RASGRF1: variants seen among roughly 807,000 people sequenced by gnomAD.
RASGRF1 encodes Ras protein specific guanine nucleotide releasing factor 1, also known as ras-specific guanine nucleotide-releasing factor 1.
In RASGRF1, 40 loss-of-function variants were observed where a neutral mutation model predicts 138.7. The observed-to-expected ratio is 0.29, with a 90% CI of 0.22 to 0.38. The LOEUF is 0.38. Among genes scored for constraint, RASGRF1 ranks in the 10% least tolerant of loss-of-function variants. RASGRF1 has a pLI of 1.00. For missense variants in RASGRF1, 1,108 were observed against 1,650.4 expected (o/e 0.67, Z 5.69); for synonymous variants, 614 against 663.2 (o/e 0.93, Z 1.14).
chr15:78,979,792 A>C (rs2055979192), intron 24 of RASGRF1, among the ~76,000 whole-genome samples: 1 of 152,146 alleles, frequency 6.6e-6, no homozygotes, highest in Non-Finnish European at 1.5e-5. Context: ...TGGACCGTCC[A>C]CGTGGCCTTG....
chr15:79,065,153 G>A (rs2057660677), intron 1 of RASGRF1, among the ~76,000 whole-genome samples: 2 of 152,188 alleles, frequency 1.3e-5, no homozygotes, highest in South Asian at 2.1e-4. Context: ...AAGAATGCTT[G>A]GCACCTAGTA....
chr15:79,019,262 G>C (rs947828093), intron 11 of RASGRF1, among the ~76,000 whole-genome samples: 2 of 152,186 alleles, frequency 1.3e-5, no homozygotes, highest in African/African-American at 4.8e-5. Flanking sequence ...CATCTCTGAG[G>C]GTCTTGGCTT....
At chr15:78,977,907 T>A (rs1195147892) in intron 24 of RASGRF1, among the ~76,000 whole-genome samples, 1 of 152,154 alleles carries the variant, frequency 6.6e-6, no homozygotes, top group African/African-American at 2.4e-5. Context: ...TCAACCAAAT[T>A]CTTGTTGCCT....
At chr15:79,018,201 C>T (rs932244441) in intron 11 of RASGRF1, among the ~76,000 whole-genome samples, 2 of 152,238 alleles carry the variant, frequency 1.3e-5, no homozygotes, top group African/African-American at 4.8e-5. Flanking sequence ...GAGGTGAGGT[C>T]ACGGGCGAGG....
intron 14 of RASGRF1, chr15:79,004,650 C>G: frequency 1.0e-6 from 1 of 987,330 alleles, no homozygotes; most frequent in Non-Finnish European, 1.2e-6. Context: ...TCCTTTCCAC[C>G]TGCTTTGGGG....
At chr15:79,069,775 A>G (rs1201000387) in intron 1 of RASGRF1, among the ~76,000 whole-genome samples, 1 of 152,196 alleles carries the variant, frequency 6.6e-6, no homozygotes, top group Non-Finnish European at 1.5e-5. Flanking sequence ...CCTGGGCTGA[A>G]AAGGCCTTGA....
At chr15:79,044,792 A>G (rs1331824584) in intron 5 of RASGRF1, among the ~76,000 whole-genome samples, 1 of 152,228 alleles carries the variant, frequency 6.6e-6, no homozygotes, top group Non-Finnish European at 1.5e-5. Context: ...CATTAAAGGT[A>G]TCTGACCTGA....
rs758894576 is a variant in RASGRF1, at chr15:79,012,469, C to T, written c.1826+2858G>A. ...CTCTCTCTCACTAAACGATGAATTT[C>T]CCGAGGACGGAGACCCCACCTGCTC... On this transcript the variant is annotated intron_variant, in intron 13 of 26. Coordinates refer to ENST00000558480, the MANE Select transcript of RASGRF1 (RefSeq NM_001145648.3). The T allele has an allele frequency of 4.0e-6, 6 of 1,493,408 alleles. No homozygotes were observed. The African/African-American group carries it at 5.5e-5, about 14-fold the overall frequency. 92.5% of individuals were successfully genotyped at this position (1,493,408 alleles called of 1,614,324 possible). A position where few individuals can be genotyped will look rare whatever the true frequency, so the allele number is the denominator to read the frequency against.
chr15:79,002,273 C>T (rs1040105674), intron 15 of RASGRF1, among the ~76,000 whole-genome samples: 2 of 152,042 alleles, frequency 1.3e-5, no homozygotes, highest in East Asian at 1.9e-4. Context: ...CTTAAAATGT[C>T]CTGTCTTGGA....
chr15:79,037,364 C>T (rs936072846), intron 5 of RASGRF1, among the ~76,000 whole-genome samples: 9 of 151,182 alleles, frequency 6.0e-5, no homozygotes, highest in African/African-American at 1.5e-4. Context: ...TTCTCACAGA[C>T]GGATGGTGGG....
At position 78,979,150 on chromosome 15, in the gene RASGRF1, T is replaced by C. The variant is rs879023877; in HGVS notation, c.3494+1470A>G. ...CCACAAGCACAGTCCACAGGGGCTC[T>C]CGGGAGCCCAGGCAGAAGAGAGACG... On this transcript the variant is annotated intron_variant, in intron 24 of 26. Transcript: ENST00000558480. 58 of 1,289,382 alleles carry C rather than the reference T, an allele frequency of 4.5e-5. 3 individuals carry two copies. In the East Asian group the frequency reaches 7.2e-4, roughly 16 times the overall value. 79.9% of individuals were successfully genotyped at this position (1,289,382 alleles called of 1,614,324 possible).
intron 8 of RASGRF1, among the ~76,000 whole-genome samples, chr15:79,030,303 C>T (rs1158627088): frequency 6.6e-6 from 1 of 152,136 alleles, no homozygotes; most frequent in Non-Finnish European, 1.5e-5. Flanking sequence ...TGCAGACTGA[C>T]CTTCTTTGTA....
At chr15:79,030,961 C>A (rs1023869400) in intron 8 of RASGRF1, among the ~76,000 whole-genome samples, 1 of 152,214 alleles carries the variant, frequency 6.6e-6, no homozygotes, top group Non-Finnish European at 1.5e-5. Context: ...ATTGGACAAG[C>A]CATGTGCTTA....
intron 13 of RASGRF1, among the ~76,000 whole-genome samples, chr15:79,014,953 A>C (rs964437582): frequency 1.3e-5 from 2 of 151,334 alleles, no homozygotes; most frequent in Admixed American, 6.6e-5. Context: ...AACAAAAAAC[A>C]AACAAAACAA....
intron 24 of RASGRF1, chr15:78,978,739 G>A: frequency 9.0e-7 from 1 of 1,108,166 alleles, no homozygotes; most frequent in Non-Finnish European, 1.1e-6. Context: ...GAAAACCTTA[G>A]AGCCTCAGGA....
rs538244080 is a variant in RASGRF1 at position 79,067,079 on chromosome 15, GAC to G, written c.277-2555_277-2554del. Among the ~76,000 whole-genome samples, 695 of 152,310 alleles carry G rather than the reference GAC, an allele frequency of 4.6e-3. 3 individuals carry two copies. The highest frequency in any genetic ancestry group is 0.016 in the African/African-American group (657 of 41,560). The stretch of plus-strand genomic sequence containing the variant: ...CATCTGCTGTCCTCCTGGGATAGGA[GAC>G]ACTGCCTAGACCCTGAGTGACTGAC... On this transcript the variant is annotated intron_variant, in intron 1 of 26. Transcript: ENST00000558480.
At chr15:79,024,100 C>T (rs2057009685) in intron 10 of RASGRF1, among the ~76,000 whole-genome samples, 1 of 150,594 alleles carries the variant, frequency 6.6e-6, no homozygotes, top group South Asian at 2.1e-4. Flanking sequence ...ATCACACATA[C>T]ATACACAGAG....
chr15:79,072,121 C>T (rs2057764173), intron 1 of RASGRF1, among the ~76,000 whole-genome samples: 3 of 152,084 alleles, frequency 2.0e-5, no homozygotes, highest in Admixed American at 6.5e-5. Context: ...GCTCCAAAGC[C>T]TCAGTCAGGC....
Position 79,072,267 on chromosome 15 carries a change from CTTTT to C in RASGRF1, c.277-7745_277-7742del, listed in dbSNP as rs758415767. 7.1e-3 allele frequency among the ~76,000 whole-genome samples: 435 copies of C among 61,570 alleles called. 7 individuals are homozygous for C. Among genetic ancestry groups the C allele is most frequent in the African/African-American group, 0.014 (272 of 18,820 alleles). 40.4% of individuals were successfully genotyped at this position (61,570 alleles called of 152,430 possible). A position where few individuals can be genotyped will look rare whatever the true frequency, so the allele number is the denominator to read the frequency against. Reference sequence around the variant, plus strand: ...TTTCTGGGAGTTCTTGATAAACAATCTTTTTTTTTTTTTTTTTTTTTTTTTTGAG... The same window carrying C: ...TTTCTGGGAGTTCTTGATAAACAATCTTTTTTTTTTTTTTTTTTTTTTGAG... On this transcript the variant is annotated intron_variant, in intron 1 of 26. Coordinates refer to ENST00000558480, the MANE Select transcript of RASGRF1 (RefSeq NM_001145648.3).
Sources: allele counts gnomAD v4.1 joint callset (sites outside exome capture counted in the v4.1 genomes callset), GRCh38; gene constraint gnomAD v4.1.1; transcripts MANE v1.5; gene names NCBI Gene and HGNC (gene_info 2026-07-23, HGNC 2026-07-21).